The following LEKR1 variants were observed in gnomAD, a reference collection of about 807,000 sequenced individuals.
LEKR1 encodes protein LEKR1.
In LEKR1, 59 loss-of-function variants were observed where a neutral mutation model predicts 72.4. The ratio of observed to expected loss-of-function variants is 0.82; its 90% CI spans 0.66 to 1.01. The LOEUF is 1.01. LEKR1 is among the 50% of genes least tolerant of loss of function. The pLI is 0.00. For missense variants in LEKR1, 728 were observed against 759.2 expected (o/e 0.96, Z 0.48); for synonymous variants, 257 against 263.2 (o/e 0.98, Z 0.23).
rs1333480853 is a variant in LEKR1, at chr3:156,882,290, C to T, written c.263+29308C>T. On this transcript the variant is annotated intron_variant, in intron 3 of 12. Coordinates refer to ENST00000356539, the MANE Select transcript of LEKR1 (RefSeq NM_001004316.3). The stretch of plus-strand genomic sequence containing the variant: ...TAATATCCAGAATCTACAATGAACT[C>T]AAACAAATTTACAAGAAAAAAACAA... Among the ~76,000 whole-genome samples, 254 of 151,108 alleles carry T rather than the reference C, an allele frequency of 1.7e-3. 8 individuals are homozygous for T. The highest frequency in any genetic ancestry group is 0.017 in the Admixed American group (253 of 15,186).
At chr3:156,858,652 A>T (rs1404346219) in intron 3 of LEKR1, among the ~76,000 whole-genome samples, 1 of 148,974 alleles carries the variant, frequency 6.7e-6, no homozygotes, top group East Asian at 2.0e-4. Flanking sequence ...TCCAGCCTGG[A>T]TGGCAGAGCG....
intron 3 of LEKR1, among the ~76,000 whole-genome samples, chr3:156,859,146 A>G (rs1183210695): frequency 6.6e-6 from 1 of 152,204 alleles, no homozygotes; most frequent in African/African-American, 2.4e-5. Flanking sequence ...ATTAAATTAC[A>G]CTGGTTAATT....
At chr3:156,860,107 A>G (rs1716596930) in intron 3 of LEKR1, among the ~76,000 whole-genome samples, 1 of 151,936 alleles carries the variant, frequency 6.6e-6, no homozygotes, top group Admixed American at 6.6e-5. Flanking sequence ...TGCTTATGTT[A>G]TGTTCGGGGT....
At chr3:157,043,533 T>C (rs1419845032) in intron 12 of LEKR1, among the ~76,000 whole-genome samples, 2 of 152,008 alleles carry the variant, frequency 1.3e-5, no homozygotes, top group African/African-American at 4.8e-5. Flanking sequence ...AATTTAGGCA[T>C]AGGCAGCATG....
chr3:156,930,244 T>C (rs1488561732), intron 5 of LEKR1, among the ~76,000 whole-genome samples: 1 of 151,816 alleles, frequency 6.6e-6, no homozygotes, highest in African/African-American at 2.4e-5. Context: ...AGATAAACAT[T>C]GAAAAAAAAT....
Position 156,969,649 on chromosome 3 carries a change from A to G in LEKR1, c.746-9545A>G, listed in dbSNP as rs565465429. On this transcript the variant is annotated intron_variant, in intron 6 of 12. Coordinates refer to ENST00000356539, the MANE Select transcript of LEKR1 (RefSeq NM_001004316.3). Reference sequence around the variant, plus strand: ...TAATGAATAGCTTACCAACCAAAAAAAGTCCAGGACCAGATGGATTCACAG... The same window carrying G: ...TAATGAATAGCTTACCAACCAAAAAGAGTCCAGGACCAGATGGATTCACAG... Among the ~76,000 whole-genome samples, 494 of 152,256 alleles carry G rather than the reference A, an allele frequency of 3.2e-3. 3 individuals are homozygous for G. The highest frequency in any genetic ancestry group is 0.011 in the African/African-American group (474 of 41,558).
chr3:156,861,661 A>T (rs80149230), intron 3 of LEKR1, among the ~76,000 whole-genome samples: 1 of 152,262 alleles, frequency 6.6e-6, no homozygotes, highest in East Asian at 1.9e-4. Flanking sequence ...TTTTCAGGCC[A>T]TTGAAAAATG....
chr3:156,846,022 T>G (rs921883090), intron 2 of LEKR1, among the ~76,000 whole-genome samples: 9 of 152,042 alleles, frequency 5.9e-5, no homozygotes, highest in Admixed American at 3.3e-4. Context: ...CATACGAATC[T>G]TGTACATATT....
chr3:156,848,217 T>C (rs1714868036), intron 2 of LEKR1, among the ~76,000 whole-genome samples: 1 of 152,190 alleles, frequency 6.6e-6, no homozygotes, highest in Non-Finnish European at 1.5e-5. Context: ...ATGAATTATA[T>C]TTCTGAGGGC....
chr3:156,893,234 T>C (rs1422976767), intron 3 of LEKR1, among the ~76,000 whole-genome samples: 1 of 152,210 alleles, frequency 6.6e-6, no homozygotes, highest in Non-Finnish European at 1.5e-5. Flanking sequence ...TTGAAGTTCA[T>C]CATGTGGGCT....
At chr3:157,031,075 A>T (rs188313501) in intron 12 of LEKR1, among the ~76,000 whole-genome samples, 1 of 152,268 alleles carries the variant, frequency 6.6e-6, no homozygotes, top group East Asian at 1.9e-4. Flanking sequence ...AGATATGAAT[A>T]TCAGGAGAGT....
At chr3:156,897,374 C>A (rs1721302034) in intron 3 of LEKR1, among the ~76,000 whole-genome samples, 1 of 151,994 alleles carries the variant, frequency 6.6e-6, no homozygotes, top group Admixed American at 6.6e-5. Flanking sequence ...ATGTGAGTGC[C>A]CATGGCCCAT....
chr3:156,851,857 C>G (rs558649552), intron 2 of LEKR1, among the ~76,000 whole-genome samples: 1 of 152,068 alleles, frequency 6.6e-6, no homozygotes, highest in South Asian at 2.1e-4. Flanking sequence ...TTTTATGAAG[C>G]CATCTCTTAT....
chr3:156,899,519 CATACATATATACACATAT>C (rs1269207781), intron 3 of LEKR1, among the ~76,000 whole-genome samples: 3 of 85,984 alleles, frequency 3.5e-5, no homozygotes, highest in East Asian at 2.3e-4. Context: ...TATATACATA[CATACATATATACACATAT>C]ATACATATAT....
At chr3:156,904,651 A>G (rs1416526803) in intron 3 of LEKR1, among the ~76,000 whole-genome samples, 2 of 146,918 alleles carry the variant, frequency 1.4e-5, no homozygotes, top group Non-Finnish European at 3.0e-5. Context: ...GATCTATCAT[A>G]TAGCAAATAT....
chr3:156,828,398 C>T (rs1309750641), intron 1 of LEKR1, among the ~76,000 whole-genome samples: 2 of 152,142 alleles, frequency 1.3e-5, no homozygotes, highest in African/African-American at 4.8e-5. Flanking sequence ...AGGAAGCCTT[C>T]ACTAACTCCC....
chr3:156,862,953 A>G (rs750212949), intron 3 of LEKR1, among the ~76,000 whole-genome samples: 15 of 152,100 alleles, frequency 9.9e-5, no homozygotes, highest in Non-Finnish European at 1.9e-4. Context: ...AATTATCAAC[A>G]TAGGAGGGAA....
intron 3 of LEKR1, among the ~76,000 whole-genome samples, chr3:156,871,809 T>G (rs1484354355): frequency 6.6e-6 from 1 of 152,180 alleles, no homozygotes; most frequent in Admixed American, 6.6e-5. Context: ...GATGTATTTT[T>G]TTGATGTGTG....
chr3:156,963,087 A>G (rs1003736510), intron 6 of LEKR1, among the ~76,000 whole-genome samples: 7 of 152,146 alleles, frequency 4.6e-5, no homozygotes, highest in African/African-American at 1.7e-4. Context: ...TGTCTACATC[A>G]TCCCATCCCA....
Sources: allele counts gnomAD v4.1 joint callset (sites outside exome capture counted in the v4.1 genomes callset), GRCh38; gene constraint gnomAD v4.1.1; transcripts MANE v1.5; gene names NCBI Gene and HGNC (gene_info 2026-07-23, HGNC 2026-07-21).